The following GPR160 variants were observed in gnomAD, a reference collection of about 807,000 sequenced individuals.
The protein encoded by GPR160 is G protein-coupled receptor 160.
A neutral mutation model predicts 2.6 loss-of-function variants in GPR160; 2 were observed. That is an observed-to-expected ratio of 0.77 (90% CI 0.32 to 2.44). GPR160 has a LOEUF of 2.44. Among genes scored for constraint, GPR160 ranks in the 30% most tolerant of loss-of-function variants. The probability of loss-of-function intolerance (pLI) is 0.11; values close to 1 mark genes in which losing one functional copy is unlikely to be tolerated. For synonymous variants in GPR160, 130 were observed against 132.2 expected (o/e 0.98, Z 0.12); for missense variants, 351 against 383.6 (o/e 0.91, Z 0.71).
chr3:170,080,695 T>A (rs1309508712), intron 3 of GPR160, among the ~76,000 whole-genome samples: 2 of 152,182 alleles, frequency 1.3e-5, no homozygotes, highest in Non-Finnish European at 2.9e-5. Context: ...ATCCCTTGGA[T>A]GTTGCCTACC....
chr3:170,061,457 T>A (rs1711950540), intron 2 of GPR160, among the ~76,000 whole-genome samples: 1 of 152,036 alleles, frequency 6.6e-6, no homozygotes, highest in African/African-American at 2.4e-5. Flanking sequence ...TTAATTTAAT[T>A]TCATTAAATT....
At position 170,085,247 on chromosome 3, in the gene GPR160, G is replaced by GTGAT. The variant is rs539226485; in HGVS notation, c.*259_*262dup. ...TATTACTTTGTTATTAACACAAAAA[G>GTGAT]TGATAAGAGTTAACATTTGGCTATA... is the stretch of plus-strand genomic sequence containing the variant. On this transcript the variant is annotated 3_prime_UTR_variant, in exon 4 of 4. Coordinates refer to ENST00000355897, the MANE Select transcript of GPR160 (RefSeq NM_014373.3). The GTGAT allele has an allele frequency of 8.2e-3, 2,023 of 245,740 alleles. 43 individuals are homozygous for GTGAT. The highest frequency in any genetic ancestry group is 0.042 in the African/African-American group (1,884 of 44,544). 15.2% of individuals were successfully genotyped at this position (245,740 alleles called of 1,614,324 possible).
chr3:170,077,490 G>A (rs1301924913), intron 2 of GPR160: 1 of 152,184 alleles, frequency 6.6e-6, no homozygotes, highest in Non-Finnish European at 1.5e-5. Context: ...GGCTTCAGGG[G>A]AGAATAAGCT....
chr3:170,065,468 C>G (rs577201201), intron 2 of GPR160, among the ~76,000 whole-genome samples: 3 of 152,342 alleles, frequency 2.0e-5, no homozygotes, highest in Non-Finnish European at 4.4e-5. Flanking sequence ...TTGTACTCTA[C>G]ATGGTTTTTC....
In GPR160 at chr3:170,084,330, T is replaced by C. The variant is rs1337965095; in HGVS notation, c.358T>C (p.Tyr120His). 6.2e-7 allele frequency: 1 copy of C among 1,609,324 alleles called. No individual in the cohort carries two copies. The change falls in exon 4 of 4, where the codon TAT (tyrosine) becomes CAT (histidine). Residue 120 changes from tyrosine (Y) to histidine (H), a missense_variant. Tyr to His is a moderately conservative substitution (Grantham distance 83). Transcript: ENST00000355897. ...AGTTTTCCTGACAGCTTGTATAGAT[T>C]ATTGCCTGAATTTCTCTAAAACAAC... ...YPVFLTACIDYCLNFSKTTKL... is the reference protein window; with the variant it reads ...YPVFLTACIDHCLNFSKTTKL...
intron 2 of GPR160, among the ~76,000 whole-genome samples, chr3:170,069,534 C>T (rs774222780): frequency 3.4e-4 from 51 of 152,208 alleles, no homozygotes; most frequent in Non-Finnish European, 6.8e-4. Flanking sequence ...ACTCATTTAC[C>T]GTCCATCTGT....
At chr3:170,039,884 T>C (rs954722432) in intron 2 of GPR160, among the ~76,000 whole-genome samples, 11 of 152,188 alleles carry the variant, frequency 7.2e-5, no homozygotes, top group Admixed American at 1.3e-4. Flanking sequence ...GGGATTTGCT[T>C]CAGAATTATT....
chr3:170,072,864 T>C (rs1260992068), intron 2 of GPR160, among the ~76,000 whole-genome samples: 4 of 152,198 alleles, frequency 2.6e-5, no homozygotes, highest in East Asian at 3.9e-4. Flanking sequence ...ATCCAAATAA[T>C]ATCATGAGCC....
At chr3:170,057,600 T>A (rs1481448798) in intron 2 of GPR160, among the ~76,000 whole-genome samples, 1 of 152,210 alleles carries the variant, frequency 6.6e-6, no homozygotes, top group African/African-American at 2.4e-5. Flanking sequence ...AATCAGAGAC[T>A]GCAGTGCCCT....
At chr3:170,067,648 G>A (rs1008548803) in intron 2 of GPR160, among the ~76,000 whole-genome samples, 4 of 151,524 alleles carry the variant, frequency 2.6e-5, no homozygotes, top group South Asian at 2.1e-4. Context: ...ACAGTCCCTC[G>A]CTTCCCCCAA....
At chr3:170,064,416 T>C (rs6804193) in intron 2 of GPR160, among the ~76,000 whole-genome samples, 67,418 of 151,566 alleles carry the variant, frequency 0.44, 15,266 homozygotes, top group East Asian at 0.69. Context: ...CCCGGGAATC[T>C]AAGATAGGCC....
intron 3 of GPR160, among the ~76,000 whole-genome samples, chr3:170,080,727 A>T (rs1713082919): frequency 6.6e-6 from 1 of 152,126 alleles, no homozygotes; most frequent in South Asian, 2.1e-4. Context: ...TTTGCGACAG[A>T]GTGTCAATCT....
chr3:170,041,214 G>A (rs1716431917), intron 2 of GPR160, among the ~76,000 whole-genome samples: 1 of 152,058 alleles, frequency 6.6e-6, no homozygotes, highest in Admixed American at 6.6e-5. Flanking sequence ...ATGAGATCTG[G>A]GACAGTTAAA....
At chr3:170,075,867 T>A (rs1208304470) in intron 2 of GPR160, among the ~76,000 whole-genome samples, 1 of 152,212 alleles carries the variant, frequency 6.6e-6, no homozygotes, top group Non-Finnish European at 1.5e-5. Context: ...CTGGCCTTCC[T>A]TATCGCCAGC....
chr3:170,067,078 C>T (rs772406986), intron 2 of GPR160, among the ~76,000 whole-genome samples: 2 of 152,308 alleles, frequency 1.3e-5, no homozygotes, highest in Non-Finnish European at 2.9e-5. Flanking sequence ...AATCACAGCT[C>T]ACTGCAGCCT....
intron 2 of GPR160, among the ~76,000 whole-genome samples, chr3:170,073,686 G>A (rs1712709433): frequency 1.3e-5 from 2 of 152,102 alleles, no homozygotes; most frequent in Admixed American, 1.3e-4. Context: ...CATGAGGGAT[G>A]ATGATCTATA....
chr3:170,051,564 A>G (rs2108315965), intron 2 of GPR160, among the ~76,000 whole-genome samples: 1 of 152,256 alleles, frequency 6.6e-6, no homozygotes, highest in East Asian at 1.9e-4. Flanking sequence ...GCCTCTACTA[A>G]AAATACAAAA....
intron 2 of GPR160, among the ~76,000 whole-genome samples, chr3:170,066,303 G>A (rs1420889133): frequency 6.6e-6 from 1 of 151,576 alleles, no homozygotes; most frequent in Non-Finnish European, 1.5e-5. Flanking sequence ...ACCACGCCCG[G>A]CTAATTTTTG....
At chr3:170,061,586 C>T (rs926622645) in intron 2 of GPR160, among the ~76,000 whole-genome samples, 3 of 151,760 alleles carry the variant, frequency 2.0e-5, no homozygotes, top group African/African-American at 7.3e-5. Flanking sequence ...AATGGCTATC[C>T]GATTATAAGA....
Sources: allele counts gnomAD v4.1 joint callset (sites outside exome capture counted in the v4.1 genomes callset), GRCh38; gene constraint gnomAD v4.1.1; transcripts MANE v1.5; gene names NCBI Gene and HGNC (gene_info 2026-07-23, HGNC 2026-07-21).